Variants in MAP3K5 observed in about 807,000 individuals in gnomAD.
The protein encoded by MAP3K5 is mitogen-activated protein kinase kinase kinase 5.
MAP3K5 carries 56 observed loss-of-function variants against 158.7 expected under a neutral mutation model. The observed-to-expected ratio is 0.35, with a 90% confidence interval of 0.28 to 0.44. MAP3K5 has a LOEUF of 0.44. Ranked by LOEUF, MAP3K5 falls within the 20% of genes least tolerant of loss-of-function variation. The probability of loss-of-function intolerance (pLI) is 1.00; values close to 1 mark genes in which losing one functional copy is unlikely to be tolerated. For missense variants in MAP3K5, 1,294 were observed against 1,674.8 expected (o/e 0.77, Z 3.97); for synonymous variants, 579 against 601.7 (o/e 0.96, Z 0.55).
intron 1 of MAP3K5, among the ~76,000 whole-genome samples, chr6:136,777,201 C>A (rs1784433070): frequency 6.6e-6 from 1 of 152,220 alleles, no homozygotes; most frequent in Non-Finnish European, 1.5e-5. Flanking sequence ...TGTGCCCCAA[C>A]CCTGCTTTGC....
At chr6:136,781,762 A>C (rs1010292176) in intron 1 of MAP3K5, among the ~76,000 whole-genome samples, 1 of 152,226 alleles carries the variant, frequency 6.6e-6, no homozygotes, top group African/African-American at 2.4e-5. Flanking sequence ...AAATCACCCC[A>C]ACCTCAGAGT....
chr6:136,605,296 G>T lies in MAP3K5; in HGVS notation c.2592C>A (p.Ile864=). 6.2e-7 allele frequency: 1 copy of T among 1,614,158 alleles called. No individual in the cohort carries two copies. The highest frequency in any genetic ancestry group is 8.5e-7 in the Non-Finnish European group (1 of 1,179,966). ...GPRGYGKAAD[I]WSLGCTIIEM... ...CAATGATTGTACAGCCCAGAGACCA[G>T]ATGTCTGCTGCTTTTCCGTAGCCTC... The change falls in exon 19 of 30, where the codon ATC becomes ATA. Residue 864 remains isoleucine, a synonymous_variant. Transcript: ENST00000359015.
At chr6:136,736,209 T>G (rs1782454010) in intron 1 of MAP3K5, among the ~76,000 whole-genome samples, 1 of 152,174 alleles carries the variant, frequency 6.6e-6, no homozygotes, top group African/African-American at 2.4e-5. Context: ...AGCTCCACAG[T>G]GCTCCAAGAT....
At chr6:136,589,006 C>T (rs1333338907) in intron 23 of MAP3K5, among the ~76,000 whole-genome samples, 1 of 152,184 alleles carries the variant, frequency 6.6e-6, no homozygotes, top group Non-Finnish European at 1.5e-5. Flanking sequence ...ACATATATGG[C>T]CTTTCAGCTC....
intron 14 of MAP3K5, among the ~76,000 whole-genome samples, chr6:136,636,537 T>C (rs1397107002): frequency 2.0e-5 from 3 of 152,168 alleles, no homozygotes; most frequent in African/African-American, 7.2e-5. Flanking sequence ...CTTCAGACAT[T>C]GAAGATGCTG....
intron 28 of MAP3K5, among the ~76,000 whole-genome samples, chr6:136,560,035 G>A (rs1830436110): frequency 6.6e-6 from 1 of 151,916 alleles, no homozygotes; most frequent in Non-Finnish European, 1.5e-5. Flanking sequence ...CAAAAGAAGA[G>A]ATATCTTTAT....
At position 136,557,784 on chromosome 6, in the gene MAP3K5, T is replaced by C; in HGVS notation, c.4099A>G (p.Ile1367Val). Residue 1367 changes from isoleucine to valine, a missense_variant, in exon 30 of 30, where the codon ATT becomes GTT. Around this residue, in one of 5 missense-constraint regions of MAP3K5, gnomAD observed 199 missense variants for 220.3 expected, o/e 0.90. Transcript: ENST00000359015. ...GMLCTLWKAIIDFRNKQT is the reference protein window; with the variant it reads ...GMLCTLWKAIVDFRNKQT The stretch of plus-strand genomic sequence containing the variant: ...CAAGTCTGTTTGTTTCGAAAGTCAA[T>C]GATAGCCTTCCACAGTGTGCACAGC... 1 of 1,613,022 alleles carries C rather than the reference T, an allele frequency of 6.2e-7. No individual in the cohort carries two copies. The highest frequency in any genetic ancestry group is 8.5e-7 in the Non-Finnish European group (1 of 1,179,022).
intron 7 of MAP3K5, among the ~76,000 whole-genome samples, chr6:136,674,763 T>C (rs900901067): frequency 5.3e-5 from 8 of 151,984 alleles, no homozygotes; most frequent in Non-Finnish European, 1.2e-4. Context: ...AAATCTGAAA[T>C]CTAAAATGCT....
intron 12 of MAP3K5, among the ~76,000 whole-genome samples, chr6:136,642,030 A>AAAAATAAAAAT (rs1777983380): frequency 8.4e-6 from 1 of 119,340 alleles, no homozygotes; most frequent in Non-Finnish European, 1.7e-5. Context: ...AAAATAAAAT[A>AAAAATAAAAAT]AAAATAAAAT....
chr6:136,642,041 AAAAT>A (rs1562571554), intron 12 of MAP3K5, among the ~76,000 whole-genome samples: 21 of 104,334 alleles, frequency 2.0e-4, no homozygotes, highest in Admixed American at 2.9e-4. Context: ...AAAATAAAAT[AAAAT>A]AAAATAAAAT....
chr6:136,588,742 T>C (rs1775248594), intron 23 of MAP3K5, among the ~76,000 whole-genome samples: 1 of 152,184 alleles, frequency 6.6e-6, no homozygotes, highest in Admixed American at 6.5e-5. Flanking sequence ...CTTTGAATGA[T>C]CACCGTGAGC....
chr6:136,723,437 T>G (rs1781828419), intron 1 of MAP3K5, among the ~76,000 whole-genome samples: 1 of 152,196 alleles, frequency 6.6e-6, no homozygotes, highest in Non-Finnish European at 1.5e-5. Flanking sequence ...TATATCCATG[T>G]GCATAAAAAA....
chr6:136,686,954 C>T (rs931810357), intron 7 of MAP3K5, among the ~76,000 whole-genome samples: 18 of 152,070 alleles, frequency 1.2e-4, no homozygotes, highest in African/African-American at 3.6e-4. Flanking sequence ...AAAAAAGAGC[C>T]CATATAGCCA....
At chr6:136,680,173 C>T (rs1018992332) in intron 7 of MAP3K5, among the ~76,000 whole-genome samples, 2 of 151,914 alleles carry the variant, frequency 1.3e-5, no homozygotes, top group African/African-American at 2.4e-5. Flanking sequence ...TGCCCAGGGC[C>T]GGCGGAAGGA....
intron 14 of MAP3K5, among the ~76,000 whole-genome samples, chr6:136,635,478 A>G (rs1016254044): frequency 6.6e-6 from 1 of 152,140 alleles, no homozygotes; most frequent in Non-Finnish European, 1.5e-5. Context: ...TTTTTTTCCA[A>G]ATTAGGCCTG....
Position 136,764,446 on chromosome 6 carries a change from GA to G in MAP3K5, c.448+27263del, listed in dbSNP as rs553877666. On this transcript the variant is annotated intron_variant, in intron 1 of 29. Coordinates refer to ENST00000359015, the MANE Select transcript of MAP3K5 (RefSeq NM_005923.4). ...CCGGGTCATGTGGAGAGGCCACATG[GA>G]AAAGAACTGAGGCCCAACAGCCCAC... Among the ~76,000 whole-genome samples, 183 of 152,316 alleles carry G rather than the reference GA, an allele frequency of 1.2e-3. 1 individual carries two copies. The highest frequency in any genetic ancestry group is 4.1e-3 in the African/African-American group (171 of 41,564).
At chr6:136,681,516 A>G (rs1779931891) in intron 7 of MAP3K5, among the ~76,000 whole-genome samples, 1 of 152,164 alleles carries the variant, frequency 6.6e-6, no homozygotes, top group African/African-American at 2.4e-5. Flanking sequence ...ATCAGTAGTC[A>G]TGGATACTTC....
intron 8 of MAP3K5, among the ~76,000 whole-genome samples, chr6:136,667,118 C>T (rs1039199279): frequency 2.0e-5 from 3 of 152,188 alleles, no homozygotes; most frequent in African/African-American, 7.2e-5. Flanking sequence ...ATGCAAATCA[C>T]TGTCAATTCC....
At chr6:136,775,797 C>T (rs980611539) in intron 1 of MAP3K5, among the ~76,000 whole-genome samples, 1 of 152,168 alleles carries the variant, frequency 6.6e-6, no homozygotes, top group Non-Finnish European at 1.5e-5. Context: ...AATTCTCAAG[C>T]GATGTCACAA....
Sources: gnomAD v4.1 joint callset for allele counts (sites outside exome capture counted in the v4.1 genomes callset) on GRCh38, gnomAD v4.1.1 for gene constraint, gnomAD v4.1.1 regional missense constraint, MANE v1.5 for transcripts, NCBI Gene and HGNC (gene_info 2026-07-23, HGNC 2026-07-21) for gene names.